EIF4ENIF1: variants seen among roughly 807,000 people sequenced by gnomAD.
The protein encoded by EIF4ENIF1 is eukaryotic translation initiation factor 4E transporter.
A neutral mutation model predicts 110.5 loss-of-function variants in EIF4ENIF1; 23 were observed. That is an observed-to-expected ratio of 0.21 (90% CI 0.15 to 0.29). The LOEUF is 0.29. EIF4ENIF1 is among the 10% of genes least tolerant of loss of function. The probability of loss-of-function intolerance (pLI) is 1.00; values close to 1 mark genes in which losing one functional copy is unlikely to be tolerated. For synonymous variants in EIF4ENIF1, 440 were observed against 437.0 expected (o/e 1.01, Z -0.09); for missense variants, 1,031 against 1,221.1 (o/e 0.84, Z 2.32).
chr22:31,465,389 A>G (rs965015313), intron 4 of EIF4ENIF1, among the ~76,000 whole-genome samples: 2 of 152,068 alleles, frequency 1.3e-5, no homozygotes, highest in Non-Finnish European at 2.9e-5. Context: ...ACACTTCACC[A>G]AAGAGGTTAT....
intron 12 of EIF4ENIF1, 143 bp from the exon 13 acceptor site, chr22:31,448,375 C>G: frequency 1.2e-6 from 1 of 831,718 alleles, no homozygotes; most frequent in Middle Eastern, 2.3e-4. Context: ...CCCTCTCCCT[C>G]TGTGCCCCAA....
chr22:31,450,585 T>G (rs764055333), intron 10 of EIF4ENIF1: 2 of 410,954 alleles, frequency 4.9e-6, no homozygotes, highest in Non-Finnish European at 9.1e-6. Flanking sequence ...CCCTCAGAGA[T>G]CCTCACTATG....
intron 2 of EIF4ENIF1, among the ~76,000 whole-genome samples, chr22:31,480,839 C>T (rs1180883319): frequency 6.6e-6 from 1 of 151,954 alleles, no homozygotes; most frequent in Admixed American, 6.6e-5. Context: ...CCAAGGTGGG[C>T]AGATCACTTG....
At chr22:31,456,478 C>T (rs1033293118) in intron 7 of EIF4ENIF1, among the ~76,000 whole-genome samples, 1 of 151,950 alleles carries the variant, frequency 6.6e-6, no homozygotes, top group Non-Finnish European at 1.5e-5. Context: ...CCGCCTTGGC[C>T]TCCCAAAGTG....
intron 3 of EIF4ENIF1, among the ~76,000 whole-genome samples, chr22:31,470,164 CAAAAAAAAAAA>C (rs61046632): frequency 1.0e-5 from 1 of 98,440 alleles, no homozygotes. Context: ...AACTCCACCT[CAAAAAAAAAAA>C]AAAAAAAAAG....
chr22:31,488,344 G>A (rs2052124077), intron 2 of EIF4ENIF1, among the ~76,000 whole-genome samples: 5 of 152,092 alleles, frequency 3.3e-5, no homozygotes, highest in Admixed American at 3.3e-4. Flanking sequence ...TTACATAGCT[G>A]TTACAGAACT....
At chr22:31,485,539 A>T (rs1198575847) in intron 2 of EIF4ENIF1, among the ~76,000 whole-genome samples, 2 of 152,252 alleles carry the variant, frequency 1.3e-5, no homozygotes, top group Non-Finnish European at 2.9e-5. Context: ...AGTGAAAAAA[A>T]TACTGGAAAG....
At chr22:31,451,511 T>TG (rs2050674530) in intron 10 of EIF4ENIF1, among the ~76,000 whole-genome samples, 1 of 151,718 alleles carries the variant, frequency 6.6e-6, no homozygotes, top group Non-Finnish European at 1.5e-5. Context: ...CCTGACCTCG[T>TG]GATCTGCCCG....
chr22:31,448,218 G>A lies in EIF4ENIF1; in HGVS notation c.1783C>T (p.Pro595Ser). The change falls in exon 13 of 19, where the codon CCA becomes TCA. Residue 595 changes from proline to serine, a missense_variant. Physicochemically the swap from Pro to Ser is moderately conservative, Grantham distance 74. Coordinates refer to ENST00000330125, the MANE Select transcript of EIF4ENIF1 (RefSeq NM_019843.4). ...AATGGATCTCCGAGTAGCTGCTGTG[G>A]TCCTGGTGTGAAACCTGTCGGGAAA... ...IPSPIGFTPG[P>S]QQLLGDPFQG... 1 of 1,614,172 alleles carries A rather than the reference G, an allele frequency of 6.2e-7. No homozygotes were observed.
At chr22:31,450,659 CG>C in intron 10 of EIF4ENIF1, 1 of 313,304 alleles carries the variant, frequency 3.2e-6, no homozygotes, top group South Asian at 3.2e-5. Context: ...ATGGTGAAAC[CG>C]GGGAACACTT....
chr22:31,490,142 C>T (rs1274436648), upstream of EIF4ENIF1, among the ~76,000 whole-genome samples: 1 of 152,226 alleles, frequency 6.6e-6, no homozygotes, highest in East Asian at 1.9e-4. Context: ...CGTTCCCACG[C>T]GCGCTGCAGG....
chr22:31,477,363 AAAAAAAAAAAAC>A (rs930860438), intron 2 of EIF4ENIF1, among the ~76,000 whole-genome samples: 27 of 116,360 alleles, frequency 2.3e-4, no homozygotes, highest in East Asian at 8.2e-4. Flanking sequence ...TCTCCAAAAA[AAAAAAAAAAAAC>A]AAAAAAAACA....
rs1314031898 is a variant in EIF4ENIF1 at position 31,439,621 on chromosome 22, A to C, written c.*259T>G. 2 of 509,234 alleles carry C rather than the reference A, an allele frequency of 3.9e-6. No individual in the cohort carries two copies. Among genetic ancestry groups the C allele is most frequent in the Admixed American group, 3.8e-5 (1 of 26,630 alleles). The allele number at this position is 509,234 out of a possible 1,614,324, so 31.5% of individuals were successfully genotyped here. On this transcript the variant is annotated 3_prime_UTR_variant, in exon 19 of 19. Transcript: ENST00000330125. ...CTCTTGGTGAGGACACCAACACTTC[A>C]TTCACATATCTTACAAAAAAGAAAG... is the stretch of plus-strand genomic sequence containing the variant.
chr22:31,441,451 A>C (rs1397913740), intron 17 of EIF4ENIF1, among the ~76,000 whole-genome samples: 1 of 146,844 alleles, frequency 6.8e-6, no homozygotes, highest in African/African-American at 2.5e-5. Flanking sequence ...GAGGCAGGAG[A>C]ATTGCTTGAA....
chr22:31,480,634 A>C (rs79373738), intron 2 of EIF4ENIF1, among the ~76,000 whole-genome samples: 1 of 152,164 alleles, frequency 6.6e-6, no homozygotes, highest in African/African-American at 2.4e-5. Context: ...GTGCGCCTGT[A>C]GTCCCAGCTA....
At chr22:31,455,391 C>CT in intron 8 of EIF4ENIF1, 76 bp from the exon 9 acceptor site, 3 of 886,292 alleles carry the variant, frequency 3.4e-6, no homozygotes, top group South Asian at 3.6e-5. Context: ...ATTTTTCTTT[C>CT]TTTCTTTTTT....
chr22:31,456,409 G>C (rs1181009380), intron 7 of EIF4ENIF1, among the ~76,000 whole-genome samples: 13 of 151,722 alleles, frequency 8.6e-5, no homozygotes, highest in Admixed American at 8.5e-4. Flanking sequence ...ATTTTTAGTA[G>C]AGACGGGGTT....
At chr22:31,449,189 T>C (rs1234662725) in intron 12 of EIF4ENIF1, among the ~76,000 whole-genome samples, 159 bp downstream of exon 12, 1 of 152,132 alleles carries the variant, frequency 6.6e-6, no homozygotes, top group African/African-American at 2.4e-5. Context: ...TTTGTATTTT[T>C]AGTAGAGATG....
intron 10 of EIF4ENIF1, among the ~76,000 whole-genome samples, chr22:31,452,238 A>T (rs1027806999): frequency 1.3e-5 from 2 of 152,226 alleles, no homozygotes; most frequent in African/African-American, 4.8e-5. Flanking sequence ...AATTAAAGAC[A>T]CCGAATTCAA....
Sources: gnomAD v4.1 joint callset for allele counts (sites outside exome capture counted in the v4.1 genomes callset) on GRCh38, gnomAD v4.1.1 for gene constraint, MANE v1.5 for transcripts, NCBI Gene and HGNC (gene_info 2026-07-23, HGNC 2026-07-21) for gene names.